The following SPAG16 variants were observed in gnomAD, a reference collection of about 807,000 sequenced individuals.
SPAG16 encodes sperm associated antigen 16.
In SPAG16, 86 loss-of-function variants were observed where a neutral mutation model predicts 80.4. The observed-to-expected ratio is 1.07, with a 90% CI of 0.90 to 1.28. SPAG16 has a LOEUF of 1.28. Ranked by LOEUF, SPAG16 falls within the 50% of genes most tolerant of loss-of-function variation. The probability of loss-of-function intolerance (pLI) is 0.00; values close to 1 mark genes in which losing one functional copy is unlikely to be tolerated. For synonymous variants in SPAG16, 294 were observed against 265.9 expected, an observed-to-expected ratio of 1.11 and a Z score of -1.03; for missense variants, 870 against 765.3, an observed-to-expected ratio of 1.14 and a Z score of -1.61.
At position 213,452,896 on chromosome 2, in the gene SPAG16, T is replaced by C. The variant is rs1486736205; in HGVS notation, c.943-37067T>C. ...CTCCACATAATCATGTTTCTTATTATTAATTAACAAACATGAAAAAGATAC... is the reference window on the plus strand; with the variant it reads ...CTCCACATAATCATGTTTCTTATTACTAATTAACAAACATGAAAAAGATAC... On this transcript the variant is annotated intron_variant, in intron 9 of 15. Coordinates refer to ENST00000331683, the MANE Select transcript of SPAG16 (RefSeq NM_024532.5). Among the ~76,000 whole-genome samples the C allele has an allele frequency of 4.6e-5, 7 of 152,250 alleles. No homozygotes were observed. The South Asian group carries it at 1.2e-3, about 27-fold the overall frequency.
At chr2:214,161,831 TTAAAA>T (rs2056451952) in intron 15 of SPAG16, among the ~76,000 whole-genome samples, 1 of 152,016 alleles carries the variant, frequency 6.6e-6, no homozygotes, top group African/African-American at 2.4e-5. Flanking sequence ...ACTCCAGAAC[TTAAAA>T]TAAAAATAAC....
chr2:214,120,983 A>G (rs957775517), intron 14 of SPAG16, among the ~76,000 whole-genome samples: 7 of 151,772 alleles, frequency 4.6e-5, no homozygotes, highest in African/African-American at 7.2e-5. Flanking sequence ...TTTCTCCATT[A>G]TGTCATCTTA....
At chr2:213,677,283 T>C (rs1482736252) in intron 10 of SPAG16, among the ~76,000 whole-genome samples, 1 of 151,902 alleles carries the variant, frequency 6.6e-6, no homozygotes, top group African/African-American at 2.4e-5. Flanking sequence ...ACTTTAAATG[T>C]AAATGGACTA....
chr2:213,508,750 C>T (rs1276119329), intron 10 of SPAG16, among the ~76,000 whole-genome samples: 1 of 151,926 alleles, frequency 6.6e-6, no homozygotes, highest in Non-Finnish European at 1.5e-5. Context: ...GGGAACATCA[C>T]ATACCGGGGC....
chr2:214,108,096 G>C (rs1170149154), intron 13 of SPAG16, 100 bp from the exon 14 acceptor site: 1 of 808,846 alleles, frequency 1.2e-6, no homozygotes, highest in African/African-American at 1.7e-5. Flanking sequence ...ATTCTGGGAG[G>C]AGGGGCTAAA....
intron 10 of SPAG16, among the ~76,000 whole-genome samples, chr2:213,794,319 CTT>C (rs1406683275): frequency 6.6e-6 from 1 of 152,092 alleles, no homozygotes; most frequent in Non-Finnish European, 1.5e-5. Context: ...TTGGACATAA[CTT>C]ATATGCACAT....
intron 9 of SPAG16, among the ~76,000 whole-genome samples, chr2:213,459,724 C>A (rs1461711628): frequency 1.3e-5 from 2 of 152,250 alleles, no homozygotes; most frequent in Non-Finnish European, 2.9e-5. Flanking sequence ...CATCTGCATG[C>A]ATGTCGCTAT....
intron 14 of SPAG16, among the ~76,000 whole-genome samples, chr2:214,112,493 T>G (rs1027904592): frequency 1.3e-5 from 2 of 152,196 alleles, no homozygotes; most frequent in Non-Finnish European, 1.5e-5. Context: ...ATTTGGGTGC[T>G]CCTGTAATGG....
At position 213,317,356 on chromosome 2, in the gene SPAG16, A is replaced by C; in HGVS notation, c.536A>C (p.Asp179Ala). 6.2e-7 allele frequency: 1 copy of C among 1,600,448 alleles called. No homozygotes were observed. The highest frequency in any genetic ancestry group is 1.1e-5 in the South Asian group (1 of 89,370). Reference sequence around the variant, plus strand: ...TTGAAGCACTACAAACAAGCAGCTGAGTATGTTATTTTTTAAATGACATTT... The same window carrying C: ...TTGAAGCACTACAAACAAGCAGCTGCGTATGTTATTTTTTAAATGACATTT... ...KDLKHYKQAA[D>A]KAREDLLKIQ... Residue 179 changes from aspartate (D) to alanine (A), a missense_variant and splice_region_variant, in exon 5 of 16, where the codon GAC becomes GCC. Asp to Ala is a moderately radical substitution (Grantham distance 126, BLOSUM62 -2). Coordinates refer to ENST00000331683, the MANE Select transcript of SPAG16 (RefSeq NM_024532.5).
rs550842512 is a variant in SPAG16 at position 213,480,188 on chromosome 2, G to T, written c.943-9775G>T. On this transcript the variant is annotated intron_variant, in intron 9 of 15. Coordinates refer to ENST00000331683, the MANE Select transcript of SPAG16 (RefSeq NM_024532.5). ...GTGGAATTTTATTACATTTTAAGTT[G>T]CCAACCCACACAAAGATAATCCTTG... 7.2e-5 allele frequency among the ~76,000 whole-genome samples: 11 copies of T among 152,260 alleles called. No homozygotes were observed. In the South Asian group the frequency reaches 2.1e-3, roughly 29 times the overall value.
chr2:213,950,845 A>T (rs1172029123), intron 12 of SPAG16, among the ~76,000 whole-genome samples: 1 of 150,500 alleles, frequency 6.6e-6, no homozygotes, highest in South Asian at 2.1e-4. Flanking sequence ...AGTAGCTGGG[A>T]CCACAGGCTT....
chr2:213,652,966 A>C (rs912959476), intron 10 of SPAG16, among the ~76,000 whole-genome samples: 2 of 151,988 alleles, frequency 1.3e-5, no homozygotes, highest in Non-Finnish European at 2.9e-5. Flanking sequence ...TAAAAGTTTT[A>C]TTGTGTTGCA....
At chr2:213,447,297 C>G (rs2071379597) in intron 9 of SPAG16, among the ~76,000 whole-genome samples, 1 of 152,178 alleles carries the variant, frequency 6.6e-6, no homozygotes, top group South Asian at 2.1e-4. Flanking sequence ...ATTACCCCCA[C>G]AAGGCCTCAT....
chr2:214,106,535 G>A (rs2053392964), intron 13 of SPAG16, among the ~76,000 whole-genome samples: 1 of 152,218 alleles, frequency 6.6e-6, no homozygotes, highest in Non-Finnish European at 1.5e-5. Flanking sequence ...TTGATATTTG[G>A]AAGTTAACTT....
At chr2:213,426,640 C>T (rs1256016616) in intron 9 of SPAG16, among the ~76,000 whole-genome samples, 1 of 151,884 alleles carries the variant, frequency 6.6e-6, no homozygotes, top group Non-Finnish European at 1.5e-5. Flanking sequence ...ATTTTTGCTT[C>T]TCTGGCTAGA....
chr2:213,291,855 A>G (rs72935124), intron 1 of SPAG16, among the ~76,000 whole-genome samples: 44,095 of 152,052 alleles, frequency 0.29, 6,847 homozygotes, highest in African/African-American at 0.34. Flanking sequence ...AGAGATGGGT[A>G]TATCTGTGCT....
intron 10 of SPAG16, among the ~76,000 whole-genome samples, chr2:213,649,892 A>G (rs1455201502): frequency 6.6e-6 from 1 of 152,150 alleles, no homozygotes; most frequent in African/African-American, 2.4e-5. Flanking sequence ...AGTTATCCAA[A>G]ACTATGAGAA....
intron 10 of SPAG16, among the ~76,000 whole-genome samples, chr2:213,847,280 A>G (rs1309462131): frequency 1.3e-5 from 2 of 152,174 alleles, no homozygotes; most frequent in Non-Finnish European, 2.9e-5. Context: ...TTGCACTGCT[A>G]TGAAGAAATA....
chr2:213,722,684 A>G (rs2066584026), intron 10 of SPAG16, among the ~76,000 whole-genome samples: 1 of 152,212 alleles, frequency 6.6e-6, no homozygotes, highest in Non-Finnish European at 1.5e-5. Flanking sequence ...GTGGATATAA[A>G]AAGTAAGATA....
Sources: gnomAD v4.1 joint callset for allele counts (sites outside exome capture counted in the v4.1 genomes callset) on GRCh38, gnomAD v4.1.1 for gene constraint, MANE v1.5 for transcripts, NCBI Gene and HGNC (gene_info 2026-07-23, HGNC 2026-07-21) for gene names.